The following TRMT11 variants were observed in gnomAD, a reference collection of about 807,000 sequenced individuals.
TRMT11 encodes the protein tRNA methyltransferase 11.
Under a neutral mutation model 62.8 loss-of-function variants are expected in TRMT11, and 53 were observed. The observed-to-expected ratio is 0.84, with a 90% CI of 0.68 to 1.06. The LOEUF (loss-of-function observed/expected upper bound fraction) is 1.06, where lower values mean the gene tolerates loss of function less well. TRMT11 is among the 50% of genes least tolerant of loss of function. The probability of loss-of-function intolerance (pLI) is 0.00; values close to 1 mark genes in which losing one functional copy is unlikely to be tolerated. For missense variants in TRMT11, 556 were observed against 553.4 expected, an observed-to-expected ratio of 1.00 and a Z score of -0.05; for synonymous variants, 188 against 190.3, an observed-to-expected ratio of 0.99 and a Z score of 0.10.
chr6:125,996,243 A>C (rs1791488794), intron 3 of TRMT11, among the ~76,000 whole-genome samples: 1 of 152,208 alleles, frequency 6.6e-6, no homozygotes. Flanking sequence ...ATGTCGACAC[A>C]TTTGTTTTAG....
At chr6:126,219,064 C>T in the TRMT11 span, among the ~76,000 whole-genome samples, 2 of 152,144 alleles carry the variant, frequency 1.3e-5, no homozygotes, top group African/African-American at 4.8e-5. Context: ...GCCATGTGGC[C>T]GCTGCCAGGG....
intron 21 of TRMT11, among the ~76,000 whole-genome samples, chr6:126,166,405 T>A (rs1038335079): frequency 1.3e-5 from 2 of 152,196 alleles, no homozygotes; most frequent in Non-Finnish European, 2.9e-5. Flanking sequence ...TCTACAGGTC[T>A]GCTGGAGTTT....
intron 12 of TRMT11, among the ~76,000 whole-genome samples, chr6:126,033,346 G>A (rs1354354431): frequency 6.6e-6 from 1 of 152,076 alleles, no homozygotes; most frequent in East Asian, 1.9e-4. Flanking sequence ...TTATTTTCTT[G>A]AGAATGAATT....
chr6:126,045,945 C>T (rs1225300116), intron 16 of TRMT11, among the ~76,000 whole-genome samples: 1 of 151,930 alleles, frequency 6.6e-6, no homozygotes, highest in Non-Finnish European at 1.5e-5. Flanking sequence ...TTTCAGAGAG[C>T]ATTGGCATCT....
At chr6:126,246,332 A>G in the TRMT11 span, among the ~76,000 whole-genome samples, 2 of 152,390 alleles carry the variant, frequency 1.3e-5, no homozygotes, top group African/African-American at 4.8e-5. Flanking sequence ...ATGGTGTAGT[A>G]GATCACCTTA....
intron 1 of TRMT11, among the ~76,000 whole-genome samples, chr6:126,193,783 C>T (rs1054960926): frequency 6.6e-6 from 1 of 151,876 alleles, no homozygotes; most frequent in Non-Finnish European, 1.5e-5. Flanking sequence ...CATGCCCGGC[C>T]GCGTTTCTGT....
intron 21 of TRMT11, among the ~76,000 whole-genome samples, chr6:126,120,157 C>T (rs1294485598): frequency 6.6e-6 from 1 of 152,012 alleles, no homozygotes; most frequent in South Asian, 2.1e-4. Flanking sequence ...TGCCTGTAAT[C>T]CCAGCTACTC....
At chr6:126,234,559 A>T in the TRMT11 span, among the ~76,000 whole-genome samples, 1 of 152,142 alleles carries the variant, frequency 6.6e-6, no homozygotes, top group Non-Finnish European at 1.5e-5. Flanking sequence ...GGATAAATGC[A>T]GGTGCTTGAG....
the TRMT11 span, among the ~76,000 whole-genome samples, chr6:126,209,594 C>T: frequency 8.6e-5 from 13 of 151,368 alleles, no homozygotes; most frequent in East Asian, 1.6e-3. Context: ...GGCATGGTGG[C>T]GGGCGCCTGT....
intron 1 of TRMT11, among the ~76,000 whole-genome samples, chr6:126,194,085 A>C (rs183839132): frequency 6.6e-6 from 1 of 152,236 alleles, no homozygotes; most frequent in Admixed American, 6.5e-5. Context: ...TTTTGACCTA[A>C]TATATGGTCC....
At chr6:126,142,541 C>T (rs1777927991) in intron 21 of TRMT11, among the ~76,000 whole-genome samples, 1 of 151,826 alleles carries the variant, frequency 6.6e-6, no homozygotes, top group African/African-American at 2.4e-5. Context: ...GTCAGAAAAC[C>T]CAGGTTAGAA....
At chr6:126,159,803 C>T (rs1029902081) in intron 21 of TRMT11, among the ~76,000 whole-genome samples, 5 of 152,160 alleles carry the variant, frequency 3.3e-5, no homozygotes, top group Admixed American at 3.3e-4. Context: ...CTGGTCACTA[C>T]AATCTGCCTC....
At position 126,082,014 on chromosome 6, in the gene TRMT11, A is replaced by G. The variant is rs570002796; in HGVS notation, c.*1437+28824A>G. 3.9e-5 allele frequency among the ~76,000 whole-genome samples: 6 copies of G among 152,284 alleles called. No homozygotes were observed. The South Asian group carries it at 8.3e-4, about 21-fold the overall frequency. On this transcript the variant is annotated intron_variant and NMD_transcript_variant, in intron 17 of 22. Transcript: ENST00000648977. The stretch of plus-strand genomic sequence containing the variant: ...CCACCCAAAGACTAAATGCCTAACC[A>G]TGGGACACCAAGATACTATGTGATG...
At chr6:126,165,126 A>T (rs1380901847) in intron 21 of TRMT11, among the ~76,000 whole-genome samples, 1 of 152,092 alleles carries the variant, frequency 6.6e-6, no homozygotes, top group Non-Finnish European at 1.5e-5. Context: ...AAAATAAAGA[A>T]AATTAGCTGG....
chr6:126,032,757 G>A (rs140132996), intron 12 of TRMT11, among the ~76,000 whole-genome samples: 55 of 152,200 alleles, frequency 3.6e-4, no homozygotes, highest in African/African-American at 1.2e-3. Flanking sequence ...GTGAATTCAC[G>A]GAACTTGACT....
At chr6:126,191,103 AT>A (rs925269063) in intron 1 of TRMT11, among the ~76,000 whole-genome samples, 1 of 151,308 alleles carries the variant, frequency 6.6e-6, no homozygotes, top group Non-Finnish European at 1.5e-5. Flanking sequence ...AGCATTTGTT[AT>A]TTTTTTTGCC....
chr6:126,185,062 T>C (rs1044286032), intron 1 of TRMT11, among the ~76,000 whole-genome samples: 2 of 152,168 alleles, frequency 1.3e-5, no homozygotes, highest in African/African-American at 2.4e-5. Flanking sequence ...AACATTGTTC[T>C]AATTCAAAGA....
At chr6:126,173,332 T>C (rs974100734), upstream of TRMT11, among the ~76,000 whole-genome samples, 1 of 152,180 alleles carries the variant, frequency 6.6e-6, no homozygotes. Context: ...TTCTCCCCGT[T>C]TCCACCTTTC....
intron 1 of TRMT11, among the ~76,000 whole-genome samples, chr6:126,183,625 A>G (rs1778493101): frequency 6.6e-6 from 1 of 152,136 alleles, no homozygotes; most frequent in Admixed American, 6.5e-5. Flanking sequence ...CGTGTAAGCA[A>G]TGGTACTGGA....
Sources: gnomAD v4.1 joint callset for allele counts (sites outside exome capture counted in the v4.1 genomes callset) on GRCh38, gnomAD v4.1.1 for gene constraint, MANE v1.5 for transcripts, NCBI Gene and HGNC (gene_info 2026-07-23, HGNC 2026-07-21) for gene names.